ABLIM2: variants seen among roughly 807,000 people sequenced by gnomAD.
ABLIM2 encodes actin binding LIM protein family member 2.
In ABLIM2, 53 loss-of-function variants were observed where a neutral mutation model predicts 97.7. That is an observed-to-expected ratio of 0.54 (90% confidence interval 0.44 to 0.68). The LOEUF is 0.68. Among genes scored for constraint, ABLIM2 ranks in the 30% least tolerant of loss-of-function variants. The pLI, the probability that ABLIM2 is intolerant of heterozygous loss-of-function variation, is 0.00. For synonymous variants in ABLIM2, 361 were observed against 345.8 expected (o/e 1.04, Z -0.49); for missense variants, 835 against 867.2 (o/e 0.96, Z 0.47).
At chr4:8,154,079 C>G (rs886813882) in intron 1 of ABLIM2, among the ~76,000 whole-genome samples, 26 of 151,356 alleles carry the variant, frequency 1.7e-4, no homozygotes, top group African/African-American at 6.1e-4. Flanking sequence ...TCTCCTGCCT[C>G]AGCCTCCCGA....
chr4:8,129,992 C>T lies in ABLIM2; in HGVS notation c.11-23355G>A, dbSNP rs145620708. Among the ~76,000 whole-genome samples, 324 of 152,350 alleles carry T rather than the reference C, an allele frequency of 2.1e-3. 5 individuals are homozygous for T. The South Asian group carries it at 0.029, about 14-fold the overall frequency. ...CTGGAGCCAGGCTTCTGCTAGTCAGCACAGCTGGTGCCCTGCGGGCTCCCA... is the reference window on the plus strand; with the variant it reads ...CTGGAGCCAGGCTTCTGCTAGTCAGTACAGCTGGTGCCCTGCGGGCTCCCA... On this transcript the variant is annotated intron_variant, in intron 1 of 20. Transcript: ENST00000447017.
rs763512446 is a variant in ABLIM2 at position 8,068,417 on chromosome 4, C to A, written c.676-7363G>T. 1.3e-5 allele frequency among the ~76,000 whole-genome samples: 2 copies of A among 152,128 alleles called. No homozygotes were observed. Among genetic ancestry groups the A allele is most frequent in the African/African-American group, 4.8e-5 (2 of 41,422 alleles). The stretch of plus-strand genomic sequence containing the variant: ...CAGCCAGTGCTGGGTCAGAGGGCAG[C>A]GGTTTAAGGGACGTCCCCACTGTGA... On this transcript the variant is annotated intron_variant, in intron 6 of 20. Coordinates refer to ENST00000447017, the MANE Select transcript of ABLIM2 (RefSeq NM_001130083.2). The surrounding 1 kb of genome is among the most constrained non-coding windows in gnomAD (Gnocchi z 4.5).
intron 16 of ABLIM2, chr4:7,993,927 C>A (rs751437305): frequency 1.9e-6 from 1 of 514,338 alleles, no homozygotes; most frequent in Non-Finnish European, 3.9e-6. Context: ...GAGTTTGAGA[C>A]CTCCGAAGTA....
chr4:7,987,042 G>C (rs1299236266), intron 17 of ABLIM2, among the ~76,000 whole-genome samples: 2 of 150,010 alleles, frequency 1.3e-5, no homozygotes, highest in African/African-American at 5.1e-5. Context: ...GAGTGCAGTG[G>C]CACGATCTCA....
chr4:7,983,001 C>T (rs1225253853), intron 20 of ABLIM2, among the ~76,000 whole-genome samples: 4 of 152,220 alleles, frequency 2.6e-5, no homozygotes, highest in Non-Finnish European at 2.9e-5. Context: ...CTGTGCCCAG[C>T]CCAGAGCTCA....
intron 6 of ABLIM2, among the ~76,000 whole-genome samples, chr4:8,063,138 T>C (rs941609677): frequency 1.3e-5 from 2 of 152,194 alleles, no homozygotes; most frequent in African/African-American, 4.8e-5. Context: ...CAATCTCAGC[T>C]CACTGCAACC....
At chr4:8,116,459 C>T (rs947426861) in intron 1 of ABLIM2, among the ~76,000 whole-genome samples, 7 of 152,182 alleles carry the variant, frequency 4.6e-5, no homozygotes, top group Middle Eastern at 3.2e-3. Flanking sequence ...TGCCCAGGAA[C>T]GGGTTCTCTA....
Position 8,054,064 on chromosome 4 carries a change from C to G in ABLIM2, c.822+124G>C, listed in dbSNP as rs564082755. 9.1e-7 allele frequency: 1 copy of G among 1,102,514 alleles called. No homozygotes were observed. The highest frequency in any genetic ancestry group is 1.5e-5 in the African/African-American group (1 of 65,140). The allele number at this position is 1,102,514 out of a possible 1,614,324, so 68.3% of individuals were successfully genotyped here. On this transcript the variant is annotated intron_variant, in intron 8 of 20. Transcript: ENST00000447017. This position sits in a 1 kb window ranked among gnomAD's most constrained non-coding sequence, Gnocchi z 4.9. The stretch of plus-strand genomic sequence containing the variant: ...CCCCACCTCCTAAGCCTGGCTGCCC[C>G]CATCCTGCAGCCCGTGGGACTGGAC...
chr4:7,996,730 T>C lies in ABLIM2; in HGVS notation c.1619-3803A>G, dbSNP rs1303253885. Among the ~76,000 whole-genome samples, 1 of 152,240 alleles carries C rather than the reference T, an allele frequency of 6.6e-6. No individual in the cohort carries two copies. Among genetic ancestry groups the C allele is most frequent in the East Asian group, 1.9e-4 (1 of 5,198 alleles). On this transcript the variant is annotated intron_variant, in intron 16 of 20. Transcript: ENST00000447017. This position sits in a 1 kb window ranked among gnomAD's most constrained non-coding sequence, Gnocchi z 4.5. ...TCCTTTCTGTTTGGAGAAGATTCCT[T>C]ACGGGTAGCTCTGCAGGATATCTCA...
intron 8 of ABLIM2, among the ~76,000 whole-genome samples, chr4:8,052,785 C>T (rs2151946552): frequency 6.6e-6 from 1 of 152,256 alleles, no homozygotes; most frequent in East Asian, 1.9e-4. Context: ...ACTCTGAATG[C>T]CCCACTTTGT....
chr4:8,057,846 T>G (rs1383635089), intron 7 of ABLIM2, among the ~76,000 whole-genome samples: 1 of 152,174 alleles, frequency 6.6e-6, no homozygotes, highest in Non-Finnish European at 1.5e-5. Flanking sequence ...AAATAACATC[T>G]GCATGGAGCC....
chr4:8,085,386 G>A lies in ABLIM2; in HGVS notation c.454+2783C>T, dbSNP rs775693946. Among the ~76,000 whole-genome samples the A allele has an allele frequency of 2.0e-5, 3 of 152,154 alleles. No individual in the cohort carries two copies. Among genetic ancestry groups the A allele is most frequent in the South Asian group, 2.1e-4 (1 of 4,826 alleles). On this transcript the variant is annotated intron_variant, in intron 4 of 20. Coordinates refer to ENST00000447017, the MANE Select transcript of ABLIM2 (RefSeq NM_001130083.2). This position sits in a 1 kb window ranked among gnomAD's most constrained non-coding sequence, Gnocchi z 6.1. Reference sequence around the variant, plus strand: ...CCAGATGTACCGAGAACACCACGGCGTGGCTTTGGAGGAAGCTGCCATCTG... The same window carrying A: ...CCAGATGTACCGAGAACACCACGGCATGGCTTTGGAGGAAGCTGCCATCTG...
chr4:8,065,779 C>T (rs113103240), intron 6 of ABLIM2, among the ~76,000 whole-genome samples: 21,504 of 151,800 alleles, frequency 0.14, 1,661 homozygotes, highest in African/African-American at 0.2. Flanking sequence ...CAAAAATTAG[C>T]TAGGCTTGGT....
At chr4:8,007,786 G>A in intron 16 of ABLIM2, 1 of 1,248,534 alleles carries the variant, frequency 8.0e-7, no homozygotes, top group Non-Finnish European at 1.0e-6. Flanking sequence ...AGCAGGTCTG[G>A]GTTTCTGCAT....
intron 1 of ABLIM2, among the ~76,000 whole-genome samples, chr4:8,139,246 G>T (rs921403590): frequency 3.3e-5 from 5 of 149,958 alleles, no homozygotes; most frequent in Admixed American, 1.3e-4. Flanking sequence ...GGGAGGGGAG[G>T]GGAGGGGAAT....
rs565855792 is a variant in ABLIM2 at position 8,047,053 on chromosome 4, G to A, written c.823-1812C>T. ...GGCTGGGCATCGTGCAGCGGCTGGCGTGGGTGACAGTCAGCACCTCCTACA... is the reference window on the plus strand; with the variant it reads ...GGCTGGGCATCGTGCAGCGGCTGGCATGGGTGACAGTCAGCACCTCCTACA... On this transcript the variant is annotated intron_variant, in intron 8 of 20. Transcript: ENST00000447017. 1.4e-4 allele frequency among the ~76,000 whole-genome samples: 22 copies of A among 152,266 alleles called. No homozygotes were observed. The South Asian group carries it at 3.5e-3, about 24-fold the overall frequency.
At chr4:8,154,793 G>T (rs1266531234) in intron 1 of ABLIM2, among the ~76,000 whole-genome samples, 1 of 152,200 alleles carries the variant, frequency 6.6e-6, no homozygotes, top group Non-Finnish European at 1.5e-5. Context: ...CTGTTCTCAT[G>T]CTGCCAATAA....
rs1753204421 is a variant in ABLIM2, at chr4:7,996,201, C to A, written c.1619-3274G>T. ...CTCGTCAGAAATGCAAATTAGTGGG[C>A]CCTACCCTAGACCTCCTGTGTCAGA... On this transcript the variant is annotated intron_variant, in intron 16 of 20. Coordinates refer to ENST00000447017, the MANE Select transcript of ABLIM2 (RefSeq NM_001130083.2). This position sits in a 1 kb window ranked among gnomAD's most constrained non-coding sequence, Gnocchi z 4.5. Among the ~76,000 whole-genome samples the A allele has an allele frequency of 6.6e-6, 1 of 152,210 alleles. No homozygotes were observed. The highest frequency in any genetic ancestry group is 1.5e-5 in the Non-Finnish European group (1 of 68,030).
In ABLIM2 at chr4:7,965,599, C is replaced by A. The variant is rs186317077; in HGVS notation, c.*1391G>T. ...ACACACAAAGAGGCAACACCCACTG[C>A]GGACGGGGAAACAGACTTTGGTGTT... On this transcript the variant is annotated 3_prime_UTR_variant, in exon 21 of 21. Transcript: ENST00000447017. 27 of 152,398 alleles carry A rather than the reference C, an allele frequency of 1.8e-4. No individual in the cohort carries two copies. Among genetic ancestry groups the A allele is most frequent in the African/African-American group, 6.3e-4 (26 of 41,560 alleles). The allele number at this position is 152,398 out of a possible 1,614,324, so 9.4% of individuals were successfully genotyped here.
Sources: gnomAD v4.1 joint callset for allele counts (sites outside exome capture counted in the v4.1 genomes callset) on GRCh38, gnomAD v4.1.1 for gene constraint, Gnocchi (gnomAD v3.1) non-coding constraint, MANE v1.5 for transcripts, NCBI Gene and HGNC (gene_info 2026-07-23, HGNC 2026-07-21) for gene names.